Variants in KCNT2 observed in about 807,000 individuals in gnomAD.
The protein encoded by KCNT2 is potassium channel subfamily T member 2.
In KCNT2, 67 loss-of-function variants were observed where a neutral mutation model predicts 153.8. That is an observed-to-expected ratio of 0.44 (90% confidence interval 0.36 to 0.53). The LOEUF (loss-of-function observed/expected upper bound fraction) is 0.53. KCNT2 is among the 20% of genes least tolerant of loss of function. The pLI is 0.00. For synonymous variants in KCNT2, 500 were observed against 458.8 expected, an observed-to-expected ratio of 1.09 and a Z score of -1.15; for missense variants, 975 against 1,354.8, an observed-to-expected ratio of 0.72 and a Z score of 4.40.
At chr1:196,248,736 A>C (rs1655671137) in intron 26 of KCNT2, among the ~76,000 whole-genome samples, 1 of 152,172 alleles carries the variant, frequency 6.6e-6, no homozygotes, top group African/African-American at 2.4e-5. Flanking sequence ...AGGACTAATA[A>C]CAATCCTACT....
intron 13 of KCNT2, among the ~76,000 whole-genome samples, chr1:196,383,199 T>A (rs1303924375): frequency 6.6e-6 from 1 of 152,182 alleles, no homozygotes; most frequent in East Asian, 1.9e-4. Flanking sequence ...GTTTTCTTTT[T>A]CTTTTTAATT....
chr1:196,226,516 T>C lies in KCNT2; in HGVS notation c.*1708A>G, dbSNP rs142987763. The C allele has an allele frequency of 2.6e-5, 4 of 152,138 alleles. No homozygotes were observed. Among genetic ancestry groups the C allele is most frequent in the African/African-American group, 9.6e-5 (4 of 41,568 alleles). The allele number at this position is 152,138 out of a possible 1,614,324, so 9.4% of individuals were successfully genotyped here. On this transcript the variant is annotated 3_prime_UTR_variant, in exon 28 of 28. Transcript: ENST00000294725. ...ATAAATTCTACTTCTCTGATCAAAG[T>C]AGATTAAATACAGGGTCTCTGTTTT...
chr1:196,332,785 G>GTT (rs549603960), intron 17 of KCNT2, among the ~76,000 whole-genome samples: 189 of 136,452 alleles, frequency 1.4e-3, no homozygotes, highest in African/African-American at 2.8e-3. Flanking sequence ...TTATTGGCTA[G>GTT]TTTTTTTTTT....
intron 13 of KCNT2, among the ~76,000 whole-genome samples, chr1:196,384,082 C>G (rs12141574): frequency 2.0e-5 from 3 of 152,154 alleles, no homozygotes; most frequent in Non-Finnish European, 4.4e-5. Flanking sequence ...GATGTGCTAA[C>G]TAACTTGATT....
chr1:196,577,884 C>T (rs1314544824), intron 1 of KCNT2, among the ~76,000 whole-genome samples: 1 of 152,092 alleles, frequency 6.6e-6, no homozygotes, highest in Non-Finnish European at 1.5e-5. Flanking sequence ...TACTCTCAAC[C>T]CAATAAAAAT....
intron 12 of KCNT2, among the ~76,000 whole-genome samples, chr1:196,407,796 T>A (rs1455853173): frequency 2.0e-5 from 3 of 151,488 alleles, no homozygotes; most frequent in African/African-American, 7.3e-5. Context: ...AGAATAAATA[T>A]GTCTTTGACA....
intron 27 of KCNT2, among the ~76,000 whole-genome samples, chr1:196,235,427 A>G (rs1654341996): frequency 6.6e-6 from 1 of 151,504 alleles, no homozygotes. Context: ...AAGTGCTATT[A>G]TGTATTGCTA....
At chr1:196,455,592 A>C (rs1398496998) in intron 8 of KCNT2, among the ~76,000 whole-genome samples, 1 of 151,688 alleles carries the variant, frequency 6.6e-6, no homozygotes, top group Non-Finnish European at 1.5e-5. Flanking sequence ...TATAGTATTG[A>C]TTAGTTATTC....
intron 24 of KCNT2, among the ~76,000 whole-genome samples, chr1:196,281,947 C>A (rs1659148810): frequency 2.6e-5 from 4 of 151,850 alleles, no homozygotes. Context: ...GACGGGGTTT[C>A]ACTGTGTTAG....
At chr1:196,422,323 C>A (rs1430310983) in intron 12 of KCNT2, among the ~76,000 whole-genome samples, 1 of 151,860 alleles carries the variant, frequency 6.6e-6, no homozygotes, top group Non-Finnish European at 1.5e-5. Flanking sequence ...TCTATAGAAA[C>A]CACCAATTGT....
In KCNT2 at chr1:196,588,874, T is replaced by C. The variant is rs528296519; in HGVS notation, c.95+19341A>G. 2.0e-5 allele frequency among the ~76,000 whole-genome samples: 3 copies of C among 152,008 alleles called. No individual in the cohort carries two copies. In the South Asian group the frequency reaches 6.2e-4, roughly 32 times the overall value. On this transcript the variant is annotated intron_variant, in intron 1 of 27. Transcript: ENST00000294725. ...GAAATATAAATACTCATACTCTTAT[T>C]CCTCAACAGGGTAATTTCATTTATT...
intron 25 of KCNT2, among the ~76,000 whole-genome samples, chr1:196,265,979 C>CA (rs973276694): frequency 1.2e-4 from 19 of 152,102 alleles, no homozygotes; most frequent in African/African-American, 3.4e-4. Flanking sequence ...AAAATAAAAA[C>CA]AAAACAACAA....
At chr1:196,545,404 A>G (rs1211402198) in intron 1 of KCNT2, among the ~76,000 whole-genome samples, 1 of 152,110 alleles carries the variant, frequency 6.6e-6, no homozygotes, top group Non-Finnish European at 1.5e-5. Flanking sequence ...TCACAGGGAC[A>G]TACCAATAGT....
intron 16 of KCNT2, among the ~76,000 whole-genome samples, chr1:196,337,913 G>A (rs1369650895): frequency 6.6e-6 from 1 of 151,984 alleles, no homozygotes; most frequent in Non-Finnish European, 1.5e-5. Context: ...TAGAATGCAA[G>A]CTCTATGAAC....
chr1:196,578,367 C>T (rs1040207890), intron 1 of KCNT2, among the ~76,000 whole-genome samples: 4 of 152,086 alleles, frequency 2.6e-5, no homozygotes, highest in Non-Finnish European at 4.4e-5. Context: ...GAGCCTTGAA[C>T]GCGGAGAAAG....
intron 14 of KCNT2, among the ~76,000 whole-genome samples, chr1:196,368,250 C>G (rs780528291): frequency 6.6e-5 from 10 of 152,158 alleles, no homozygotes; most frequent in Non-Finnish European, 1.3e-4. Flanking sequence ...AATGATTTTC[C>G]CTTTATCATG....
chr1:196,432,781 G>A (rs1674276479), intron 8 of KCNT2, among the ~76,000 whole-genome samples: 1 of 152,046 alleles, frequency 6.6e-6, no homozygotes, highest in East Asian at 1.9e-4. Flanking sequence ...TCTAATTTAG[G>A]TGATATTTAG....
chr1:196,358,262 A>T (rs1220044493), intron 14 of KCNT2, among the ~76,000 whole-genome samples: 1 of 148,680 alleles, frequency 6.7e-6, no homozygotes, highest in African/African-American at 2.5e-5. Context: ...TTCAGCAATC[A>T]CTCTTTTAAT....
At chr1:196,367,439 A>C (rs1264307101) in intron 14 of KCNT2, among the ~76,000 whole-genome samples, 2 of 152,134 alleles carry the variant, frequency 1.3e-5, no homozygotes, top group Non-Finnish European at 2.9e-5. Context: ...TTCGTATGAT[A>C]TTTAATCTAA....
Sources: gnomAD v4.1 joint callset for allele counts (sites outside exome capture counted in the v4.1 genomes callset) on GRCh38, gnomAD v4.1.1 for gene constraint, MANE v1.5 for transcripts, NCBI Gene and HGNC (gene_info 2026-07-23, HGNC 2026-07-21) for gene names.